The following LDLRAD3 variants were observed in gnomAD, a reference collection of about 807,000 sequenced individuals.
The protein encoded by LDLRAD3 is low-density lipoprotein receptor class A domain-containing protein 3.
LDLRAD3 carries 20 observed loss-of-function variants against 29.4 expected under a neutral mutation model. The ratio of observed to expected loss-of-function variants is 0.68; its 90% CI spans 0.48 to 0.99. The LOEUF is 0.99. Ranked by LOEUF, LDLRAD3 falls within the 50% of genes least tolerant of loss-of-function variation. The pLI is 0.00. For missense variants in LDLRAD3, 420 were observed against 454.3 expected (o/e 0.92, Z 0.69); for synonymous variants, 157 against 192.7 (o/e 0.81, Z 1.53).
At chr11:36,157,133 A>T (rs983221342) in intron 4 of LDLRAD3, among the ~76,000 whole-genome samples, 2 of 152,222 alleles carry the variant, frequency 1.3e-5, no homozygotes, top group African/African-American at 4.8e-5. Flanking sequence ...TGCTGGAAAG[A>T]GAGGACCCCA....
chr11:36,183,535 A>G (rs1191282563), intron 4 of LDLRAD3, among the ~76,000 whole-genome samples: 1 of 152,246 alleles, frequency 6.6e-6, no homozygotes, highest in Non-Finnish European at 1.5e-5. Flanking sequence ...ACAAGAAGAA[A>G]AAATTAACTT....
At chr11:36,193,580 G>A (rs1854987947) in intron 4 of LDLRAD3, among the ~76,000 whole-genome samples, 1 of 152,052 alleles carries the variant, frequency 6.6e-6, no homozygotes, top group Non-Finnish European at 1.5e-5. Flanking sequence ...ATCTACCTTT[G>A]TGCCTACTGC....
intron 1 of LDLRAD3, among the ~76,000 whole-genome samples, chr11:36,016,215 G>A (rs944522782): frequency 2.0e-5 from 3 of 152,182 alleles, no homozygotes; most frequent in Non-Finnish European, 4.4e-5. Flanking sequence ...GAATACACTT[G>A]TGTTCTAAAA....
intron 4 of LDLRAD3, among the ~76,000 whole-genome samples, chr11:36,140,363 A>T (rs926584915): frequency 1.3e-5 from 2 of 152,214 alleles, no homozygotes; most frequent in Admixed American, 6.5e-5. Flanking sequence ...GGTAATGATG[A>T]AAAATTAACA....
intron 4 of LDLRAD3, among the ~76,000 whole-genome samples, chr11:36,121,671 G>A (rs565266390): frequency 6.6e-6 from 1 of 152,362 alleles, no homozygotes; most frequent in South Asian, 2.1e-4. Context: ...GGGAGAGCTG[G>A]TTTGTATAAA....
chr11:36,198,395 T>G (rs917255608), intron 4 of LDLRAD3, among the ~76,000 whole-genome samples: 7 of 152,110 alleles, frequency 4.6e-5, no homozygotes, highest in Non-Finnish European at 1.0e-4. Flanking sequence ...ACACACACTT[T>G]CTCATCAACA....
intron 4 of LDLRAD3, among the ~76,000 whole-genome samples, chr11:36,151,303 G>T (rs1420209502): frequency 6.6e-6 from 1 of 152,084 alleles, no homozygotes; most frequent in Non-Finnish European, 1.5e-5. Flanking sequence ...ACAATACACA[G>T]TATTGTGTAG....
rs183230607 is a variant in LDLRAD3 at position 35,972,209 on chromosome 11, G to A, written c.46+28065G>A. Among the ~76,000 whole-genome samples, 54 of 152,044 alleles carry A rather than the reference G, an allele frequency of 3.6e-4. 1 individual carries two copies. Among genetic ancestry groups the A allele is most frequent in the African/African-American group, 1.2e-3 (49 of 41,452 alleles). Reference sequence around the variant, plus strand: ...AGTTTCACAGAAACCAGATCTTAAGGGAAGGCACCACCGTAGGAGAATAAG... The same window carrying A: ...AGTTTCACAGAAACCAGATCTTAAGAGAAGGCACCACCGTAGGAGAATAAG... On this transcript the variant is annotated intron_variant, in intron 1 of 5. Coordinates refer to ENST00000315571, the MANE Select transcript of LDLRAD3 (RefSeq NM_174902.4).
chr11:36,189,350 G>C (rs1565289980), intron 4 of LDLRAD3, among the ~76,000 whole-genome samples: 1 of 152,092 alleles, frequency 6.6e-6, no homozygotes, highest in Non-Finnish European at 1.5e-5. Flanking sequence ...GCTGGGCGTG[G>C]TGGCACACAT....
At chr11:36,169,536 A>C (rs1185422371) in intron 4 of LDLRAD3, among the ~76,000 whole-genome samples, 1 of 152,178 alleles carries the variant, frequency 6.6e-6, no homozygotes, top group Non-Finnish European at 1.5e-5. Flanking sequence ...TGTAAGTGAG[A>C]ACATGTAATA....
intron 2 of LDLRAD3, among the ~76,000 whole-genome samples, chr11:36,068,531 C>T (rs1034737583): frequency 2.6e-5 from 4 of 152,146 alleles, no homozygotes; most frequent in East Asian, 1.9e-4. Flanking sequence ...CTTTTCTTTT[C>T]TTTTTGACAG....
chr11:35,982,089 G>T (rs921613577), intron 1 of LDLRAD3, among the ~76,000 whole-genome samples: 1 of 152,136 alleles, frequency 6.6e-6, no homozygotes, highest in Non-Finnish European at 1.5e-5. Context: ...TCTGGAGTGG[G>T]TGTAACAAAG....
chr11:36,084,566 T>A (rs1853168306), intron 3 of LDLRAD3, among the ~76,000 whole-genome samples: 1 of 152,240 alleles, frequency 6.6e-6, no homozygotes, highest in Non-Finnish European at 1.5e-5. Flanking sequence ...TATCCCCTCG[T>A]TCCTATGTGA....
At chr11:36,189,923 G>A (rs1331888544) in intron 4 of LDLRAD3, among the ~76,000 whole-genome samples, 1 of 152,066 alleles carries the variant, frequency 6.6e-6, no homozygotes, top group African/African-American at 2.4e-5. Context: ...CTTTTTTATG[G>A]CTGCATAGTA....
At chr11:36,168,548 T>G (rs1322847276) in intron 4 of LDLRAD3, among the ~76,000 whole-genome samples, 1 of 151,422 alleles carries the variant, frequency 6.6e-6, no homozygotes, top group Non-Finnish European at 1.5e-5. Flanking sequence ...GTTGGCATTT[T>G]CAGAAGGAGA....
intron 3 of LDLRAD3, 148 bp downstream of exon 3, chr11:36,081,926 T>C: frequency 1.0e-6 from 1 of 975,218 alleles, no homozygotes; most frequent in Non-Finnish European, 1.5e-6. Flanking sequence ...TCCCTACTTC[T>C]TGTGTAAATC....
chr11:36,037,337 C>T (rs1448574176), intron 2 of LDLRAD3, among the ~76,000 whole-genome samples: 5 of 151,844 alleles, frequency 3.3e-5, no homozygotes, highest in African/African-American at 4.8e-5. Context: ...TTCCCTGAAA[C>T]GGAGTCTTGC....
intron 4 of LDLRAD3, among the ~76,000 whole-genome samples, chr11:36,143,748 T>G (rs1854121183): frequency 6.6e-6 from 1 of 152,148 alleles, no homozygotes; most frequent in South Asian, 2.1e-4. Flanking sequence ...CAGCACCCCT[T>G]TTTTTTGGCT....
intron 2 of LDLRAD3, among the ~76,000 whole-genome samples, chr11:36,049,162 C>G (rs941895116): frequency 1.3e-5 from 2 of 152,230 alleles, no homozygotes; most frequent in Non-Finnish European, 2.9e-5. Flanking sequence ...AGTGGTAATA[C>G]GCTTGGTAAT....
Sources: gnomAD v4.1 joint callset for allele counts (sites outside exome capture counted in the v4.1 genomes callset) on GRCh38, gnomAD v4.1.1 for gene constraint, MANE v1.5 for transcripts, NCBI Gene and HGNC (gene_info 2026-07-23, HGNC 2026-07-21) for gene names.